The following OTOG variants were observed in gnomAD, a reference collection of about 807,000 sequenced individuals.
The protein encoded by OTOG is otogelin.
OTOG carries 296 observed loss-of-function variants against 313.8 expected under a neutral mutation model. The ratio of observed to expected loss-of-function variants is 0.94; its 90% CI spans 0.86 to 1.04. The LOEUF (loss-of-function observed/expected upper bound fraction) is 1.04, where lower values mean the gene tolerates loss of function less well. Among genes scored for constraint, OTOG ranks in the 50% least tolerant of loss-of-function variants. The probability of loss-of-function intolerance (pLI) is 0.00; values close to 1 mark genes in which losing one functional copy is unlikely to be tolerated. For missense variants in OTOG, 3,948 were observed against 3,840.1 expected (o/e 1.03, Z -0.74); for synonymous variants, 1,533 against 1,554.9 (o/e 0.99, Z 0.33).
In OTOG at chr11:17,609,211, T is replaced by TA. The variant is rs1453243749; in HGVS notation, c.4354+4dup. 6.5e-7 allele frequency: 1 copy of TA among 1,550,034 alleles called. No homozygotes were observed. On this transcript the variant is annotated splice_region_variant and intron_variant, in intron 35 of 55. Transcript: ENST00000399397. ...AGAGATGTGTCTACTTGGAGGACTG[T>TA]AAGTGGCCCAGACTTCTCATCCTTC...
At chr11:17,605,352 C>T (rs1252726200) in intron 32 of OTOG, among the ~76,000 whole-genome samples, 1 of 152,160 alleles carries the variant, frequency 6.6e-6, no homozygotes, top group Admixed American at 6.5e-5. Flanking sequence ...TGAAGGGTTG[C>T]CAATGCTGGC....
intron 30 of OTOG, among the ~76,000 whole-genome samples, chr11:17,597,904 A>G (rs1240943438): frequency 6.6e-6 from 1 of 152,202 alleles, no homozygotes; most frequent in Admixed American, 6.5e-5. Context: ...CGTCTGTAAT[A>G]GAAGGGTGAA....
intron 19 of OTOG, among the ~76,000 whole-genome samples, chr11:17,574,364 G>A (rs139316286): frequency 6.6e-5 from 10 of 152,322 alleles, no homozygotes; most frequent in Admixed American, 1.3e-4. Flanking sequence ...ATGTGTCTAT[G>A]TGTGAGTTAC....
chr11:17,641,827 C>A lies in OTOG; in HGVS notation c.8191-20C>A. 1 of 1,532,692 alleles carries A rather than the reference C, an allele frequency of 6.5e-7. No individual in the cohort carries two copies. Among genetic ancestry groups the A allele is most frequent in the Non-Finnish European group, 8.8e-7 (1 of 1,136,104 alleles). 94.9% of individuals were successfully genotyped at this position (1,532,692 alleles called of 1,614,324 possible). A position where few individuals can be genotyped will look rare whatever the true frequency, so the allele number is the denominator to read the frequency against. On this transcript the variant is annotated intron_variant, in intron 51 of 55. Coordinates refer to ENST00000399397, the MANE Select transcript of OTOG (RefSeq NM_001292063.2). ...TGGAGGTGGGCATCTGGCTGAGGCCCACCCCGCCCTGGCCTGTAGAACCAG... is the reference window on the plus strand; with the variant it reads ...TGGAGGTGGGCATCTGGCTGAGGCCAACCCCGCCCTGGCCTGTAGAACCAG...
chr11:17,610,929 C>A lies in OTOG; in HGVS notation c.5629C>A (p.Leu1877Met). 1 of 1,550,472 alleles carries A rather than the reference C, an allele frequency of 6.4e-7. No homozygotes were observed. Among genetic ancestry groups the A allele is most frequent in the African/African-American group, 1.4e-5 (1 of 73,190 alleles). ...PPAAGTAPGLLLGATLPTSGV... is the reference protein window; with the variant it reads ...PPAAGTAPGLMLGATLPTSGV... ...AGCAGCAGGCACAGCTCCAGGCCTG[C>A]TGCTGGGAGCCACATTGCCAACCTC... The change falls in exon 36 of 56, where the codon CTG becomes ATG. Residue 1877 changes from leucine (L) to methionine (M), a missense_variant. Transcript: ENST00000399397.
chr11:17,637,906 C>T (rs918879413), intron 47 of OTOG, among the ~76,000 whole-genome samples: 21 of 152,306 alleles, frequency 1.4e-4, no homozygotes, highest in Admixed American at 1.2e-3. Flanking sequence ...TCCACCAAAA[C>T]GTTGCACCCA....
chr11:17,627,687 G>A (rs1306597050), intron 39 of OTOG, among the ~76,000 whole-genome samples: 1 of 152,176 alleles, frequency 6.6e-6, no homozygotes, highest in East Asian at 1.9e-4. Context: ...TTTGGTAGAA[G>A]TCAGCAGTGA....
At chr11:17,642,863 C>A (rs575514188) in intron 53 of OTOG, among the ~76,000 whole-genome samples, 4 of 152,332 alleles carry the variant, frequency 2.6e-5, no homozygotes, top group African/African-American at 9.6e-5. Context: ...CACACACCCA[C>A]ACATGCAAAA....
In OTOG at chr11:17,610,390, TA is replaced by T; in HGVS notation, c.5092del (p.Thr1698LeufsTer22). The T allele has an allele frequency of 6.5e-7, 1 of 1,550,332 alleles. No individual in the cohort carries two copies. Among genetic ancestry groups the T allele is most frequent in the Non-Finnish European group, 8.7e-7 (1 of 1,146,844 alleles). On this transcript the variant is annotated frameshift_variant, in exon 36 of 56. Coordinates refer to ENST00000399397, the MANE Select transcript of OTOG (RefSeq NM_001292063.2). LOFTEE classifies it high-confidence loss of function. Reference protein sequence around the residue: ...AQSASSPSTPLTVAGTAAEQV... With the variant: ...AQSASSPSTPXTVAGTAAEQV... Reference sequence around the variant, plus strand: ...AGTGCTTCAAGTCCCAGCACCCCTCTAACTGTGGCTGGAACAGCAGCAGAAC... The same window carrying T: ...AGTGCTTCAAGTCCCAGCACCCCTCTACTGTGGCTGGAACAGCAGCAGAAC...
chr11:17,551,314 G>A (rs1271744539), intron 3 of OTOG, among the ~76,000 whole-genome samples: 1 of 152,134 alleles, frequency 6.6e-6, no homozygotes, highest in Non-Finnish European at 1.5e-5. Flanking sequence ...CACCCCTGTT[G>A]TTATATAGTC....
chr11:17,591,795 C>T (rs1852946049), intron 25 of OTOG, among the ~76,000 whole-genome samples: 1 of 152,180 alleles, frequency 6.6e-6, no homozygotes, highest in East Asian at 1.9e-4. Flanking sequence ...TGCCTGTCTG[C>T]TCACCATTAT....
Position 17,634,236 on chromosome 11 carries a change from T to A in OTOG, c.7435T>A (p.Leu2479Met). 1.3e-6 allele frequency: 2 copies of A among 1,550,422 alleles called. No homozygotes were observed. Among genetic ancestry groups the A allele is most frequent in the Non-Finnish European group, 1.7e-6 (2 of 1,146,904 alleles). ...ESCLRFGEVA[L>M]LLPTKDPCCL... Reference sequence around the variant, plus strand: ...CTGCCTGCGATTCGGGGAGGTGGCCTTGCTCCTACCCACCAAGGACCCCTG... The same window carrying A: ...CTGCCTGCGATTCGGGGAGGTGGCCATGCTCCTACCCACCAAGGACCCCTG... The change falls in exon 44 of 56, where the codon TTG becomes ATG. Residue 2479 changes from leucine (L) to methionine (M), a missense_variant. Physicochemically the swap from Leu to Met is conservative, Grantham distance 15. Coordinates refer to ENST00000399397, the MANE Select transcript of OTOG (RefSeq NM_001292063.2).
intron 23 of OTOG, among the ~76,000 whole-genome samples, chr11:17,586,209 G>T (rs912436112): frequency 6.6e-6 from 1 of 152,202 alleles, no homozygotes; most frequent in African/African-American, 2.4e-5. Context: ...GGTCAGTAGG[G>T]CTGTGGCTGG....
At chr11:17,547,858 G>A (rs1289252436) in intron 1 of OTOG, 69 bp from the exon 2 acceptor site, 3 of 444,040 alleles carry the variant, frequency 6.8e-6, no homozygotes, top group Non-Finnish European at 1.2e-5. Flanking sequence ...TCTAGCAGTG[G>A]GGGCCAGGTG....
chr11:17,584,385 A>ATAAAGCAGTCAATCTTC (rs1565103708), intron 23 of OTOG, among the ~76,000 whole-genome samples: 2 of 152,200 alleles, frequency 1.3e-5, no homozygotes, highest in Non-Finnish European at 2.9e-5. Context: ...CTTGTTTTGG[A>ATAAAGCAGTCAATCTTC]TAAAGCAGTC....
intron 18 of OTOG, among the ~76,000 whole-genome samples, 182 bp downstream of exon 18, chr11:17,572,386 C>T (rs1447868859): frequency 6.6e-6 from 1 of 152,216 alleles, no homozygotes; most frequent in Admixed American, 6.5e-5. Flanking sequence ...CAGGAAGCCT[C>T]ATATTCTTCC....
At position 17,573,148 on chromosome 11, in the gene OTOG, C is replaced by T. The variant is rs1270150505; in HGVS notation, c.2151C>T (p.Ser717=). The change falls in exon 19 of 56, where the codon AGC becomes AGT. Residue 717 remains serine (S), a synonymous_variant. Coordinates refer to ENST00000399397, the MANE Select transcript of OTOG (RefSeq NM_001292063.2). ...TTGCGCCCTGCTCTGCGTTCCTGAGCCCCGTGCCCTACTTTGAGCAGTGCC... is the reference window on the plus strand; with the variant it reads ...TTGCGCCCTGCTCTGCGTTCCTGAGTCCCGTGCCCTACTTTGAGCAGTGCC... ...EMFAPCSAFL[S]PVPYFEQCRR... is the part of the protein sequence containing the mutation. The T allele has an allele frequency of 2.0e-5, 31 of 1,545,782 alleles. No individual in the cohort carries two copies. The highest frequency in any genetic ancestry group is 2.4e-5 in the East Asian group (1 of 40,934).
chr11:17,639,357 G>A lies in OTOG; in HGVS notation c.7895-66G>A, dbSNP rs769305167. 1,314 of 1,517,296 alleles carry A rather than the reference G, an allele frequency of 8.7e-4. 4 individuals are homozygous for A. Among genetic ancestry groups the A allele is most frequent in the Admixed American group, 2.2e-3 (112 of 50,932 alleles). 94.0% of individuals were successfully genotyped at this position (1,517,296 alleles called of 1,614,324 possible). The stretch of plus-strand genomic sequence containing the variant: ...GTTGTGCCAGCAGTGAGAGGTCCAG[G>A]GTACCCAGGGGATTCCTACCTGGAC... On this transcript the variant is annotated intron_variant, in intron 48 of 55. Transcript: ENST00000399397.
At chr11:17,574,620 T>C in intron 19 of OTOG, 100 bp from the exon 20 acceptor site, 1 of 1,234,318 alleles carries the variant, frequency 8.1e-7, no homozygotes, top group Non-Finnish European at 1.1e-6. Flanking sequence ...ATGTCTGAAC[T>C]TCTCTGGATC....
Sources: allele counts gnomAD v4.1 joint callset (sites outside exome capture counted in the v4.1 genomes callset), GRCh38; gene constraint gnomAD v4.1.1; transcripts MANE v1.5; gene names NCBI Gene and HGNC (gene_info 2026-07-23, HGNC 2026-07-21).